Variants in OGDHL observed in about 807,000 individuals in gnomAD.
OGDHL encodes the protein 2-oxoglutarate dehydrogenase-like, mitochondrial.
A neutral mutation model predicts 109.6 loss-of-function variants in OGDHL; 79 were observed. The ratio of observed to expected loss-of-function variants is 0.72; its 90% CI spans 0.60 to 0.87. The LOEUF (loss-of-function observed/expected upper bound fraction) is 0.87. OGDHL is among the 40% of genes least tolerant of loss of function. The pLI is 0.00. For missense variants in OGDHL, 1,275 were observed against 1,362.2 expected (o/e 0.94, Z 1.01); for synonymous variants, 528 against 537.2 (o/e 0.98, Z 0.24).
chr10:49,755,927 G>A (rs900332016), intron 3 of OGDHL, among the ~76,000 whole-genome samples: 25 of 152,326 alleles, frequency 1.6e-4, no homozygotes, highest in African/African-American at 5.8e-4. Flanking sequence ...AATAGCTGCT[G>A]TTTGCTCCTA....
rs767700719 is a variant in OGDHL, at chr10:49,758,556, C to T, written c.37G>A (p.Val13Ile). The T allele has an allele frequency of 6.2e-7, 1 of 1,613,934 alleles. No individual in the cohort carries two copies. ...GCAGCCAGGAGCCTCGCAGCCTGTA[C>T]CCCAAGACGGGACGGCAGCAGCCTC... ...QLRLLPSRLG[V>I]QAARLLAAHD... The change falls in exon 2 of 23, where the codon GTA becomes ATA. Residue 13 changes from valine (V) to isoleucine (I), a missense_variant. Coordinates refer to ENST00000374103, the MANE Select transcript of OGDHL (RefSeq NM_018245.3).
rs775184510 is a variant in OGDHL, at chr10:49,737,990, A to G, written c.2474T>C (p.Phe825Ser). 8.1e-6 allele frequency: 13 copies of G among 1,614,156 alleles called. No individual in the cohort carries two copies. Among genetic ancestry groups the G allele is most frequent in the Non-Finnish European group, 1.1e-5 (13 of 1,180,038 alleles). ...VVNCSTPANY[F>S]HVLRRQILLP... ...CAGGATCTGCCGGCGCAGCACGTGGAAGTAGTTGGCCGGTGTGGAGCAGTT... is the reference window on the plus strand; with the variant it reads ...CAGGATCTGCCGGCGCAGCACGTGGGAGTAGTTGGCCGGTGTGGAGCAGTT... Residue 825 changes from phenylalanine to serine, a missense_variant, in exon 19 of 23, where the codon TTC becomes TCC. Transcript: ENST00000374103.
intron 2 of OGDHL, among the ~76,000 whole-genome samples, chr10:49,757,920 G>T (rs185601302): frequency 7.2e-5 from 11 of 152,370 alleles, no homozygotes; most frequent in Admixed American, 5.2e-4. Flanking sequence ...CTTTCTGACT[G>T]TGTAACTTCT....
intron 2 of OGDHL, among the ~76,000 whole-genome samples, chr10:49,758,076 T>C (rs78239587): frequency 0.01 from 1,568 of 152,352 alleles, 20 homozygotes; most frequent in African/African-American, 0.035. Context: ...GATCAATACA[T>C]ACACAAACAC....
intron 2 of OGDHL, among the ~76,000 whole-genome samples, chr10:49,757,757 A>T (rs904808460): frequency 5.3e-5 from 8 of 152,230 alleles, no homozygotes; most frequent in Admixed American, 3.3e-4. Flanking sequence ...GGAGCAAAAC[A>T]GTATGTGTTA....
chr10:49,742,807 G>T (rs1841878196), intron 15 of OGDHL, 21 bp downstream of exon 15: 1 of 1,606,070 alleles, frequency 6.2e-7, no homozygotes, highest in Non-Finnish European at 8.5e-7. Context: ...CTGTGCGGAT[G>T]CTGAGCCCCA....
At chr10:49,749,956 C>A (rs1842472424) in intron 7 of OGDHL, 140 bp from the exon 8 acceptor site, 2 of 669,964 alleles carry the variant, frequency 3.0e-6, no homozygotes, top group African/African-American at 1.8e-5. Context: ...TCACCAGGCA[C>A]CATCCTCTCC....
intron 7 of OGDHL, 107 bp downstream of exon 7, chr10:49,750,732 C>T (rs1842528997): frequency 7.1e-7 from 1 of 1,402,266 alleles, no homozygotes; most frequent in Non-Finnish European, 9.5e-7. Context: ...CCACCTCTAC[C>T]CCCAGGTCCC....
chr10:49,742,884 C>A lies in OGDHL; in HGVS notation c.1956G>T (p.Leu652=). The A allele has an allele frequency of 6.2e-7, 1 of 1,614,042 alleles. No individual in the cohort carries two copies. Among genetic ancestry groups the A allele is most frequent in the East Asian group, 2.2e-5 (1 of 44,888 alleles). The change falls in exon 15 of 23, where the codon CTG becomes CTT. Residue 652 remains leucine (L), a synonymous_variant. Transcript: ENST00000374103. ...LAEYMAFGSL[L]KEGIHVRLSG... The stretch of plus-strand genomic sequence containing the variant: ...TGAGCCGCACGTGGATGCCTTCCTT[C>A]AGCAGGGAGCCAAAGGCCATGTACT...
At chr10:49,742,614 G>A (rs1250816679) in intron 15 of OGDHL, among the ~76,000 whole-genome samples, 1 of 148,480 alleles carries the variant, frequency 6.7e-6, no homozygotes, top group Non-Finnish European at 1.5e-5. Flanking sequence ...ATGGCCACCA[G>A]CTTGACCTTA....
At chr10:49,738,310 G>A (rs1381393070) in intron 17 of OGDHL, 48 bp from the exon 18 acceptor site, 1 of 1,604,690 alleles carries the variant, frequency 6.2e-7, no homozygotes, top group Admixed American at 1.7e-5. Context: ...CCATGGGAAA[G>A]ACATCTGGCC....
chr10:49,756,588 CA>C, intron 3 of OGDHL, 187 bp downstream of exon 3: 1 of 525,324 alleles, frequency 1.9e-6, no homozygotes, highest in East Asian at 3.0e-5. Flanking sequence ...AAAATTCAAG[CA>C]GGTGGTAAGT....
At position 49,749,710 on chromosome 10, in the gene OGDHL, T is replaced by C. The variant is rs2133054300; in HGVS notation, c.987+16A>G. 6.4e-7 allele frequency: 1 copy of C among 1,574,274 alleles called. No individual in the cohort carries two copies. On this transcript the variant is annotated intron_variant, in intron 8 of 22. Coordinates refer to ENST00000374103, the MANE Select transcript of OGDHL (RefSeq NM_018245.3). ...CCAGCTCTCCAAGGGTGCCGGGACC[T>C]GGGCATGGCACCCACCTCGTCCGCC... is the stretch of plus-strand genomic sequence containing the variant.
intron 14 of OGDHL, 140 bp from the exon 15 acceptor site, chr10:49,743,118 C>CCCAGGG: frequency 8.8e-7 from 1 of 1,137,640 alleles, no homozygotes; most frequent in Non-Finnish European, 1.2e-6. Flanking sequence ...TGCAGGAGGG[C>CCCAGGG]CCAGGGCCAG....
chr10:49,748,871 C>A (rs1842392101), intron 8 of OGDHL, among the ~76,000 whole-genome samples: 1 of 151,886 alleles, frequency 6.6e-6, no homozygotes, highest in Non-Finnish European at 1.5e-5. Flanking sequence ...GCCCAGGGGA[C>A]CCAGAGAGCC....
chr10:49,738,135 A>C, intron 18 of OGDHL, 56 bp downstream of exon 18: 8 of 1,614,074 alleles, frequency 5.0e-6, no homozygotes, highest in Non-Finnish European at 6.8e-6. Context: ...CTGGACCCCT[A>C]GCCCTGTGGG....
intron 13 of OGDHL, 80 bp from the exon 14 acceptor site, chr10:49,744,202 G>C: frequency 6.5e-7 from 1 of 1,547,856 alleles, no homozygotes; most frequent in East Asian, 2.3e-5. Flanking sequence ...CCCCAGGACT[G>C]AGTGGCCCAT....
rs1274952515 is a variant in OGDHL at position 49,757,177 on chromosome 10, GA to G, written c.205-232del. ...ATCCATAGAAAACTGGCTAAATAAC[GA>G]TTTTACATTTAGAATCTGGAAGATT... On this transcript the variant is annotated intron_variant, in intron 2 of 22. Coordinates refer to ENST00000374103, the MANE Select transcript of OGDHL (RefSeq NM_018245.3). 5.9e-5 allele frequency among the ~76,000 whole-genome samples: 9 copies of G among 152,300 alleles called. No homozygotes were observed. In the East Asian group the frequency reaches 1.5e-3, roughly 26 times the overall value.
At chr10:49,741,226 C>T (rs188597020) in intron 15 of OGDHL, among the ~76,000 whole-genome samples, 30 of 152,212 alleles carry the variant, frequency 2.0e-4, no homozygotes, top group Admixed American at 2.6e-4. Context: ...TCCCCTGCCC[C>T]GTCTTGCTGG....
Sources: allele counts gnomAD v4.1 joint callset (sites outside exome capture counted in the v4.1 genomes callset), GRCh38; gene constraint gnomAD v4.1.1; transcripts MANE v1.5; gene names NCBI Gene and HGNC (gene_info 2026-07-23, HGNC 2026-07-21).